Variants in CFAP70 observed in about 807,000 individuals in gnomAD.
The protein encoded by CFAP70 is cilia and flagella associated protein 70.
Under a neutral mutation model 137.6 loss-of-function variants are expected in CFAP70, and 81 were observed. The observed-to-expected ratio is 0.59, with a 90% CI of 0.49 to 0.71. The LOEUF is 0.71. Ranked by LOEUF, CFAP70 falls within the 30% of genes least tolerant of loss-of-function variation. The pLI is 0.00. For synonymous variants in CFAP70, 382 were observed against 423.6 expected, an observed-to-expected ratio of 0.90 and a Z score of 1.20; for missense variants, 976 against 1,226.7, an observed-to-expected ratio of 0.80 and a Z score of 3.05.
At chr10:73,269,215 C>A (rs540124921) in intron 25 of CFAP70, among the ~76,000 whole-genome samples, 1 of 152,190 alleles carries the variant, frequency 6.6e-6, no homozygotes, top group African/African-American at 2.4e-5. Context: ...ATAGGTAAAG[C>A]ACCTATCATG....
At chr10:73,345,304 A>G (rs1321745157) in intron 4 of CFAP70, 60 bp from the exon 6 acceptor site, 6 of 1,443,844 alleles carry the variant, frequency 4.2e-6, no homozygotes, top group South Asian at 1.2e-5. Context: ...CCTTTTTTGC[A>G]TTATCTCATT....
chr10:73,293,468 G>A, intron 15 of CFAP70, 80 bp from the exon 17 acceptor site: 2 of 1,291,938 alleles, frequency 1.5e-6, no homozygotes, highest in Non-Finnish European at 2.1e-6. Flanking sequence ...AATCCGATGT[G>A]AGATCCAGTT....
intron 8 of CFAP70, among the ~76,000 whole-genome samples, chr10:73,329,943 A>G (rs2051904989): frequency 6.6e-6 from 1 of 152,204 alleles, no homozygotes; most frequent in Non-Finnish European, 1.5e-5. Flanking sequence ...TCATGTATTT[A>G]CCATACTTGA....
intron 9 of CFAP70, among the ~76,000 whole-genome samples, chr10:73,316,119 G>T (rs187435652): frequency 6.6e-6 from 1 of 151,900 alleles, no homozygotes; most frequent in Non-Finnish European, 1.5e-5. Context: ...AAACTATTTT[G>T]TCTGGTATTA....
chr10:73,273,716 C>A (rs2046481431), intron 23 of CFAP70, among the ~76,000 whole-genome samples: 1 of 152,344 alleles, frequency 6.6e-6, no homozygotes, highest in South Asian at 2.1e-4. Context: ...GAGCTTTCCA[C>A]TTAACATCAT....
At chr10:73,282,760 C>G (rs762789322) in intron 19 of CFAP70, among the ~76,000 whole-genome samples, 35 of 148,516 alleles carry the variant, frequency 2.4e-4, no homozygotes, top group Admixed American at 1.2e-3. Context: ...GTGACTTCAT[C>G]TTTCATTAGA....
chr10:73,324,988 C>A (rs749237512), intron 8 of CFAP70, among the ~76,000 whole-genome samples: 25 of 152,064 alleles, frequency 1.6e-4, no homozygotes, highest in Non-Finnish European at 1.5e-4. Flanking sequence ...ACAGAGAATG[C>A]CACAAAGATA....
intron 3 of CFAP70, among the ~76,000 whole-genome samples, chr10:73,351,553 C>T (rs1459006037): frequency 6.6e-6 from 1 of 152,138 alleles, no homozygotes; most frequent in African/African-American, 2.4e-5. Flanking sequence ...CTGCCTCAGT[C>T]TCCTGAGTAA....
intron 24 of CFAP70, among the ~76,000 whole-genome samples, chr10:73,270,318 T>A (rs1219916946): frequency 6.6e-6 from 1 of 152,088 alleles, no homozygotes; most frequent in African/African-American, 2.4e-5. Context: ...AAACTGTGAG[T>A]TTGCTTTGTT....
chr10:73,292,928 A>G (rs1338075564), intron 16 of CFAP70, among the ~76,000 whole-genome samples: 2 of 152,000 alleles, frequency 1.3e-5, no homozygotes, highest in Non-Finnish European at 2.9e-5. Flanking sequence ...ATTCTGTCCT[A>G]TGTTTCTTCT....
At chr10:73,292,603 C>G (rs1390740095) in intron 16 of CFAP70, among the ~76,000 whole-genome samples, 1 of 152,018 alleles carries the variant, frequency 6.6e-6, no homozygotes. Flanking sequence ...ACAGAATTAC[C>G]GTATGTCTCA....
At chr10:73,356,213 T>C (rs928408312) in intron 1 of CFAP70, among the ~76,000 whole-genome samples, 21 of 152,018 alleles carry the variant, frequency 1.4e-4, no homozygotes, top group African/African-American at 5.1e-4. Flanking sequence ...CTTCCTTTTT[T>C]TTTTTTTCAG....
chr10:73,341,666 G>A, intron 5 of CFAP70, 85 bp from the exon 7 acceptor site: 1 of 1,204,884 alleles, frequency 8.3e-7, no homozygotes, highest in Non-Finnish European at 1.2e-6. Context: ...CTTTTCAATG[G>A]AATGCTGAGT....
chr10:73,300,722 G>A (rs747115641), intron 12 of CFAP70, among the ~76,000 whole-genome samples: 5 of 152,134 alleles, frequency 3.3e-5, no homozygotes, highest in Non-Finnish European at 7.3e-5. Context: ...AATTAGCTGG[G>A]TGTAGTGGTG....
At chr10:73,283,783 C>G (rs2080487671) in intron 19 of CFAP70, among the ~76,000 whole-genome samples, 1 of 152,120 alleles carries the variant, frequency 6.6e-6, no homozygotes, top group Non-Finnish European at 1.5e-5. Flanking sequence ...TCTCAAACTC[C>G]TGGCCTCAAG....
At chr10:73,341,961 A>C (rs572030454) in intron 5 of CFAP70, among the ~76,000 whole-genome samples, 2 of 152,322 alleles carry the variant, frequency 1.3e-5, no homozygotes, top group African/African-American at 4.8e-5. Flanking sequence ...TCCCTCATTA[A>C]TTAGTTAAAT....
At position 73,348,145 on chromosome 10, in the gene CFAP70, ACT is replaced by A; in HGVS notation, c.349+276_349+277del. 1 of 1,612,242 alleles carries A rather than the reference ACT, an allele frequency of 6.2e-7. No homozygotes were observed. The highest frequency in any genetic ancestry group is 8.5e-7 in the Non-Finnish European group (1 of 1,178,292). On this transcript the variant is annotated intron_variant, in intron 4 of 26. Coordinates refer to ENST00000310715, the Ensembl canonical transcript of CFAP70. ...GCAGGCTGAAATGTTGAGAGCTAAA[ACT>A]CTGATTACCTTAGCACTTGATCTAG... is the stretch of plus-strand genomic sequence containing the variant.
At chr10:73,335,841 T>G (rs1416239238) in intron 6 of CFAP70, among the ~76,000 whole-genome samples, 2 of 151,488 alleles carry the variant, frequency 1.3e-5, no homozygotes, top group East Asian at 1.9e-4. Context: ...TTTTTGTTTT[T>G]TTTTTTTTAA....
intron 7 of CFAP70, among the ~76,000 whole-genome samples, chr10:73,333,750 C>T (rs1162883047): frequency 6.6e-6 from 1 of 152,102 alleles, no homozygotes; most frequent in Non-Finnish European, 1.5e-5. Context: ...ACAAGAAATG[C>T]TAAAAGTTCT....
Sources: allele counts gnomAD v4.1 joint callset (sites outside exome capture counted in the v4.1 genomes callset), GRCh38; gene constraint gnomAD v4.1.1; transcripts MANE v1.5; gene names NCBI Gene and HGNC (gene_info 2026-07-23, HGNC 2026-07-21).